CRACDL: variants seen among roughly 807,000 people sequenced by gnomAD.
The protein encoded by CRACDL is CRACD-like protein.
CRACDL carries 26 observed loss-of-function variants against 70.6 expected under a neutral mutation model. That is an observed-to-expected ratio of 0.37 (90% confidence interval 0.27 to 0.51). The LOEUF (loss-of-function observed/expected upper bound fraction) is 0.51, where lower values mean the gene tolerates loss of function less well. Among genes scored for constraint, CRACDL ranks in the 20% least tolerant of loss-of-function variants. The probability of loss-of-function intolerance (pLI) is 0.94; values close to 1 mark genes in which losing one functional copy is unlikely to be tolerated. For synonymous variants in CRACDL, 618 were observed against 615.2 expected, an observed-to-expected ratio of 1.00 and a Z score of -0.07; for missense variants, 1,283 against 1,376.9, an observed-to-expected ratio of 0.93 and a Z score of 1.08.
chr2:98,827,228 G>T, intron 5 of CRACDL, 59 bp from the exon 6 acceptor site: 2 of 1,220,166 alleles, frequency 1.6e-6, no homozygotes, highest in South Asian at 1.3e-5. Flanking sequence ...AAATAAGGAC[G>T]ACCAACGCAA....
At chr2:98,850,070 C>T (rs1706420047) in intron 1 of CRACDL, among the ~76,000 whole-genome samples, 1 of 152,214 alleles carries the variant, frequency 6.6e-6, no homozygotes, top group African/African-American at 2.4e-5. Flanking sequence ...GCACACATGC[C>T]CGGCATGCCC....
chr2:98,867,050 T>A (rs1707175385), intron 1 of CRACDL, among the ~76,000 whole-genome samples: 1 of 152,116 alleles, frequency 6.6e-6, no homozygotes, highest in Admixed American at 6.5e-5. Flanking sequence ...TCCCCAGGCT[T>A]CCCCTCAGCC....
rs1273732768 is a variant in CRACDL, at chr2:98,821,922, G to A, written c.2351C>T (p.Pro784Leu). The A allele has an allele frequency of 1.3e-6, 2 of 1,588,998 alleles. No individual in the cohort carries two copies. Among genetic ancestry groups the A allele is most frequent in the Non-Finnish European group, 1.7e-6 (2 of 1,172,082 alleles). Residue 784 changes from proline (P) to leucine (L), a missense_variant, in exon 7 of 10, where the codon CCG becomes CTG. Physicochemically the swap from Pro to Leu is moderately conservative, Grantham distance 98. Coordinates refer to ENST00000397899, the MANE Select transcript of CRACDL (RefSeq NM_207362.3). ...PHQPAPPDAG[P>L]GEREPRKEPR... is the part of the protein sequence containing the mutation. Reference sequence around the variant, plus strand: ...CTCCTTCCTGGGTTCCCGCTCTCCCGGGCCGGCGTCGGGGGGCGCGGGCTG... The same window carrying A: ...CTCCTTCCTGGGTTCCCGCTCTCCCAGGCCGGCGTCGGGGGGCGCGGGCTG...
intron 3 of CRACDL, among the ~76,000 whole-genome samples, chr2:98,837,735 G>A (rs1705858920): frequency 6.6e-6 from 1 of 151,534 alleles, no homozygotes; most frequent in Non-Finnish European, 1.5e-5. Context: ...ATTACTTAAC[G>A]TTCAACTTTA....
At chr2:98,912,486 C>T (rs1406977823) in intron 1 of CRACDL, among the ~76,000 whole-genome samples, 3 of 152,226 alleles carry the variant, frequency 2.0e-5, no homozygotes, top group Admixed American at 6.5e-5. Flanking sequence ...ACACCAGCTG[C>T]GGCTTTGCAA....
chr2:98,912,456 G>C (rs977358969), intron 1 of CRACDL, among the ~76,000 whole-genome samples: 1 of 152,228 alleles, frequency 6.6e-6, no homozygotes, highest in Non-Finnish European at 1.5e-5. Flanking sequence ...GTCCATGTTT[G>C]TCTCCGGCAG....
chr2:98,892,768 T>C (rs1325776983), intron 1 of CRACDL, among the ~76,000 whole-genome samples: 1 of 152,156 alleles, frequency 6.6e-6, no homozygotes, highest in Non-Finnish European at 1.5e-5. Context: ...GATTTTATTT[T>C]TGGAAAAAAA....
rs73962467 is a variant in CRACDL at position 98,796,191 on chromosome 2, C to T, written c.2678G>A (p.Arg893Gln). 1.0e-3 allele frequency: 1,686 copies of T among 1,614,112 alleles called. 14 individuals carry two copies. The African/African-American group carries it at 0.019, about 18-fold the overall frequency. Residue 893 changes from arginine (R) to glutamine (Q), a missense_variant, in exon 9 of 10, where the codon CGG becomes CAG. Arg to Gln is a conservative substitution (Grantham distance 43, BLOSUM62 1). Transcript: ENST00000397899. ...LITPVKPAVD[R>Q]KQGAKLNFKE... ...GAAGTTGAGCTTTGCCCCCTGCTTCCGGTCCACAGCGGGCTTCACAGGGGT... is the reference window on the plus strand; with the variant it reads ...GAAGTTGAGCTTTGCCCCCTGCTTCTGGTCCACAGCGGGCTTCACAGGGGT...
chr2:98,843,070 T>C (rs890677519), intron 2 of CRACDL, among the ~76,000 whole-genome samples: 10 of 152,152 alleles, frequency 6.6e-5, no homozygotes, highest in African/African-American at 2.4e-4. Flanking sequence ...CCTGTTGTTA[T>C]GGTGGTTTTC....
chr2:98,857,927 A>C (rs141775636), intron 1 of CRACDL, among the ~76,000 whole-genome samples: 1 of 152,230 alleles, frequency 6.6e-6, no homozygotes, highest in Non-Finnish European at 1.5e-5. Context: ...GCCATAAAAC[A>C]AAACAAAATA....
intron 1 of CRACDL, among the ~76,000 whole-genome samples, chr2:98,911,047 G>T (rs1708534870): frequency 1.3e-5 from 2 of 152,314 alleles, no homozygotes; most frequent in South Asian, 4.1e-4. Context: ...ATCCTGGTAG[G>T]ACAGTGCCAA....
intron 1 of CRACDL, among the ~76,000 whole-genome samples, chr2:98,905,743 G>A (rs940435606): frequency 6.6e-6 from 1 of 151,472 alleles, no homozygotes; most frequent in Non-Finnish European, 1.5e-5. Context: ...TCATCCTCCC[G>A]AGTAGCTGGG....
At chr2:98,881,630 C>T (rs1707653557) in intron 1 of CRACDL, among the ~76,000 whole-genome samples, 1 of 152,178 alleles carries the variant, frequency 6.6e-6, no homozygotes. Flanking sequence ...CTCGTGTCAT[C>T]AGGGGAGCCT....
chr2:98,853,870 T>C (rs1048107918), intron 1 of CRACDL, among the ~76,000 whole-genome samples: 3 of 152,106 alleles, frequency 2.0e-5, no homozygotes, highest in Admixed American at 2.0e-4. Context: ...CTAAAAAATT[T>C]AATGCAAAGA....
intron 7 of CRACDL, among the ~76,000 whole-genome samples, chr2:98,803,824 T>C (rs1172236405): frequency 6.6e-6 from 1 of 152,188 alleles, no homozygotes; most frequent in Non-Finnish European, 1.5e-5. Flanking sequence ...AGCGGTCCTC[T>C]GCTCTGCCTG....
At chr2:98,917,126 A>G (rs1377487564) in intron 1 of CRACDL, among the ~76,000 whole-genome samples, 1 of 152,156 alleles carries the variant, frequency 6.6e-6, no homozygotes, top group Non-Finnish European at 1.5e-5. Flanking sequence ...ATTTAGCCTT[A>G]GATCATGAAG....
chr2:98,823,044 T>C lies in CRACDL; in HGVS notation c.1229A>G (p.Asp410Gly), dbSNP rs1389676238. Residue 410 changes from aspartate to glycine, a missense_variant, in exon 7 of 10, where the codon GAC becomes GGC. Around this residue, in one of 2 missense-constraint regions of CRACDL, gnomAD observed 921 missense variants for 881.9 expected, o/e 1.04. Coordinates refer to ENST00000397899, the MANE Select transcript of CRACDL (RefSeq NM_207362.3). The surrounding 1 kb of genome is among the most constrained non-coding windows in gnomAD (Gnocchi z 4.0). Reference protein sequence around the residue: ...SPFPTAIPEGDTTPPETDPAA... With the variant: ...SPFPTAIPEGGTTPPETDPAA... ...GGGGTCAGTCTCGGGGGGAGTCGTG[T>C]CCCCCTCAGGGATGGCGGTGGGAAA... 15 of 1,551,976 alleles carry C rather than the reference T, an allele frequency of 9.7e-6. No homozygotes were observed. In the East Asian group the frequency reaches 3.6e-4, roughly 37 times the overall value.
intron 7 of CRACDL, among the ~76,000 whole-genome samples, chr2:98,797,782 C>A (rs1703890977): frequency 6.6e-6 from 1 of 152,078 alleles, no homozygotes; most frequent in Admixed American, 6.5e-5. Flanking sequence ...TACTTTAAAG[C>A]CAACTTCCTC....
chr2:98,822,161 C>T lies in CRACDL; in HGVS notation c.2112G>A (p.Lys704=), dbSNP rs200427787. The T allele has an allele frequency of 3.7e-6, 6 of 1,608,266 alleles. No individual in the cohort carries two copies. The highest frequency in any genetic ancestry group is 1.1e-5 in the South Asian group (1 of 89,658). ...CCTCGGCACTGTACCTCTTCACACC[C>T]TTCACCTCCTGAGAGGCGCCATCCC... is the stretch of plus-strand genomic sequence containing the variant. ...KYRDGASQEV[K]GVKRYSAEVR... The change falls in exon 7 of 10, where the codon AAG becomes AAA. Residue 704 remains lysine, a synonymous_variant. Coordinates refer to ENST00000397899, the MANE Select transcript of CRACDL (RefSeq NM_207362.3). This position sits in a 1 kb window ranked among gnomAD's most constrained non-coding sequence, Gnocchi z 4.9.
Sources: gnomAD v4.1 joint callset for allele counts (sites outside exome capture counted in the v4.1 genomes callset) on GRCh38, gnomAD v4.1.1 for gene constraint, gnomAD v4.1.1 regional missense constraint, Gnocchi (gnomAD v3.1) non-coding constraint, MANE v1.5 for transcripts, NCBI Gene and HGNC (gene_info 2026-07-23, HGNC 2026-07-21) for gene names.